FNIP1: variants seen among roughly 807,000 people sequenced by gnomAD.
FNIP1 encodes folliculin interacting protein 1.
Under a neutral mutation model 124.5 loss-of-function variants are expected in FNIP1, and 40 were observed. That is an observed-to-expected ratio of 0.32 (90% confidence interval 0.25 to 0.42). The LOEUF is 0.42. Ranked by LOEUF, FNIP1 falls within the 10% of genes least tolerant of loss-of-function variation. The pLI is 1.00. For synonymous variants in FNIP1, 472 were observed against 470.6 expected, an observed-to-expected ratio of 1.00 and a Z score of -0.04; for missense variants, 1,176 against 1,403.7, an observed-to-expected ratio of 0.84 and a Z score of 2.59.
intron 15 of FNIP1, 139 bp from the exon 16 acceptor site, chr5:131,652,138 A>G: frequency 1.4e-6 from 1 of 703,632 alleles, no homozygotes; most frequent in East Asian, 2.7e-5. Context: ...CTTGACCAAG[A>G]AGAATAATTA....
At chr5:131,741,397 G>A (rs1460611506) in intron 2 of FNIP1, among the ~76,000 whole-genome samples, 1 of 152,108 alleles carries the variant, frequency 6.6e-6, no homozygotes, top group Non-Finnish European at 1.5e-5. Flanking sequence ...TTTGGTTTCT[G>A]AAGCATAATC....
chr5:131,795,224 G>A (rs1299414781), intron 1 of FNIP1, among the ~76,000 whole-genome samples: 2 of 152,102 alleles, frequency 1.3e-5, no homozygotes, highest in Non-Finnish European at 2.9e-5. Flanking sequence ...ACTGGCAAAA[G>A]TATATAGTTA....
chr5:131,654,138 A>C (rs1317977347), intron 15 of FNIP1, among the ~76,000 whole-genome samples: 1 of 152,244 alleles, frequency 6.6e-6, no homozygotes, highest in Non-Finnish European at 1.5e-5. Context: ...ATAGTCATGA[A>C]AGAGCCACAA....
intron 13 of FNIP1, 109 bp from the exon 14 acceptor site, chr5:131,673,033 G>C: frequency 1.3e-6 from 1 of 785,580 alleles, no homozygotes; most frequent in Middle Eastern, 2.6e-4. Flanking sequence ...TAATAGTTTA[G>C]GTTTTACTCG....
chr5:131,755,252 C>A (rs2149568317), intron 1 of FNIP1, among the ~76,000 whole-genome samples: 1 of 152,090 alleles, frequency 6.6e-6, no homozygotes, highest in South Asian at 2.1e-4. Flanking sequence ...AAAACCCCAT[C>A]TCTACTAAAA....
At chr5:131,702,868 C>T (rs186199819) in intron 10 of FNIP1, among the ~76,000 whole-genome samples, 4 of 152,292 alleles carry the variant, frequency 2.6e-5, no homozygotes, top group African/African-American at 4.8e-5. Context: ...CCTTTTCCTT[C>T]GCCTCTGCTG....
At chr5:131,712,984 T>G (rs1226848181) in intron 6 of FNIP1, among the ~76,000 whole-genome samples, 1 of 152,178 alleles carries the variant, frequency 6.6e-6, no homozygotes, top group African/African-American at 2.4e-5. Context: ...TATATTACAC[T>G]GTAAACTTTT....
At chr5:131,649,469 C>T (rs1423620390) in intron 16 of FNIP1, among the ~76,000 whole-genome samples, 1 of 152,012 alleles carries the variant, frequency 6.6e-6, no homozygotes, top group Non-Finnish European at 1.5e-5. Context: ...TTTGGCAAAA[C>T]GTCTATTCAA....
At chr5:131,702,987 C>G (rs1768952908) in intron 10 of FNIP1, among the ~76,000 whole-genome samples, 1 of 152,158 alleles carries the variant, frequency 6.6e-6, no homozygotes, top group Non-Finnish European at 1.5e-5. Context: ...CTTTAAATAC[C>G]ATCTATACAC....
At position 131,672,004 on chromosome 5, in the gene FNIP1, C is replaced by G. The variant is rs1222206326; in HGVS notation, c.2440G>C (p.Val814Leu). The G allele has an allele frequency of 6.2e-7, 1 of 1,614,054 alleles. No individual in the cohort carries two copies. The highest frequency in any genetic ancestry group is 1.3e-5 in the African/African-American group (1 of 74,930). ...QSGESDTQNM[V>L]SEEPCELPCW... ...GGAAGTTCACAGGGCTCTTCAGAAA[C>G]CATGTTCTGTGTATCAGACTCTCCA... The change falls in exon 14 of 18, where the codon GTT becomes CTT. Residue 814 changes from valine (V) to leucine (L), a missense_variant. This residue lies in a region of FNIP1 where 1,109 missense variants were observed against 1,288.5 expected (regional missense o/e 0.86). Transcript: ENST00000510461.
intron 1 of FNIP1, among the ~76,000 whole-genome samples, chr5:131,781,465 C>T (rs969130604): frequency 1.3e-5 from 2 of 152,170 alleles, no homozygotes; most frequent in African/African-American, 4.8e-5. Context: ...CTGTTAGGGG[C>T]TAATGCAGCT....
At chr5:131,789,299 T>A (rs2149589722) in intron 1 of FNIP1, among the ~76,000 whole-genome samples, 1 of 152,178 alleles carries the variant, frequency 6.6e-6, no homozygotes, top group South Asian at 2.1e-4. Context: ...ATATTTAAAA[T>A]AAATTAAGTA....
intron 13 of FNIP1, among the ~76,000 whole-genome samples, chr5:131,675,865 G>A (rs895479110): frequency 6.6e-6 from 1 of 152,012 alleles, no homozygotes; most frequent in African/African-American, 2.4e-5. Context: ...TTATCAAATT[G>A]CTTTATTTTT....
intron 1 of FNIP1, among the ~76,000 whole-genome samples, chr5:131,762,635 C>T (rs1033149049): frequency 1.3e-5 from 2 of 152,090 alleles, no homozygotes; most frequent in Non-Finnish European, 1.5e-5. Context: ...AGGCAACCAT[C>T]ATATAGTGTT....
chr5:131,651,887 C>T lies in FNIP1; in HGVS notation c.3221G>A (p.Gly1074Glu), dbSNP rs1286838387. 1.2e-6 allele frequency: 2 copies of T among 1,614,046 alleles called. No homozygotes were observed. The highest frequency in any genetic ancestry group is 2.7e-5 in the African/African-American group (2 of 74,924). The change falls in exon 16 of 18, where the codon GGA becomes GAA. Residue 1074 changes from glycine (G) to glutamate (E), a missense_variant. Transcript: ENST00000510461. ...AAGACTGGAAACCAATACTTCCTTT[C>T]CCAATTTATTATCTGTCACTCGTCT... ...SQRRVTDNKL[G>E]KEVLVSSLVS...
At chr5:131,740,177 A>G (rs1424577931) in intron 2 of FNIP1, among the ~76,000 whole-genome samples, 3 of 152,224 alleles carry the variant, frequency 2.0e-5, no homozygotes, top group Admixed American at 2.0e-4. Context: ...GATTTTGTTA[A>G]GTGTATGCAT....
chr5:131,679,196 T>C, intron 11 of FNIP1, 21 bp from the exon 12 acceptor site: 3 of 1,408,282 alleles, frequency 2.1e-6, no homozygotes, highest in Non-Finnish European at 3.0e-6. Flanking sequence ...GAAGACACAT[T>C]ATGAAATGTA....
chr5:131,746,215 T>C (rs977777986), intron 1 of FNIP1, among the ~76,000 whole-genome samples: 4 of 152,266 alleles, frequency 2.6e-5, no homozygotes, highest in African/African-American at 9.6e-5. Context: ...TGCTAAGAAA[T>C]GGGAGAACAG....
chr5:131,716,304 C>T (rs911497542), intron 6 of FNIP1, among the ~76,000 whole-genome samples: 3 of 152,010 alleles, frequency 2.0e-5, no homozygotes, highest in African/African-American at 7.3e-5. Flanking sequence ...AATTTAACAA[C>T]GAAAAACAAT....
Sources: gnomAD v4.1 joint callset for allele counts (sites outside exome capture counted in the v4.1 genomes callset) on GRCh38, gnomAD v4.1.1 for gene constraint, gnomAD v4.1.1 regional missense constraint, MANE v1.5 for transcripts, NCBI Gene and HGNC (gene_info 2026-07-23, HGNC 2026-07-21) for gene names.